The following GNA13 variants were observed in gnomAD, a reference collection of about 807,000 sequenced individuals.
The protein encoded by GNA13 is G protein subunit alpha 13, also known as guanine nucleotide-binding protein subunit alpha-13.
Under a neutral mutation model 33.5 loss-of-function variants are expected in GNA13, and 4 were observed. The observed-to-expected ratio is 0.12, with a 90% CI of 0.06 to 0.27. The LOEUF is 0.27. Among genes scored for constraint, GNA13 ranks in the 10% least tolerant of loss-of-function variants. GNA13 has a pLI of 1.00. For missense variants in GNA13, 319 were observed against 487.2 expected, an observed-to-expected ratio of 0.65 and a Z score of 3.25; for synonymous variants, 176 against 183.8, an observed-to-expected ratio of 0.96 and a Z score of 0.34.
At chr17:65,027,509 C>A (rs1906836833) in intron 2 of GNA13, among the ~76,000 whole-genome samples, 1 of 152,134 alleles carries the variant, frequency 6.6e-6, no homozygotes, top group Non-Finnish European at 1.5e-5. Context: ...GTTTTATCAG[C>A]ACCTCCTATG....
intron 2 of GNA13, among the ~76,000 whole-genome samples, chr17:65,044,052 G>C (rs1194905103): frequency 6.6e-6 from 1 of 152,166 alleles, no homozygotes; most frequent in African/African-American, 2.4e-5. Flanking sequence ...AGCTGGGGAG[G>C]TCAAGGCTAC....
At chr17:65,041,548 C>T (rs1907454187) in intron 2 of GNA13, among the ~76,000 whole-genome samples, 1 of 151,592 alleles carries the variant, frequency 6.6e-6, no homozygotes, top group Non-Finnish European at 1.5e-5. Flanking sequence ...ATTTTTTTAC[C>T]TTGGAAATGA....
At chr17:65,021,349 T>C (rs1906576904) in intron 2 of GNA13, among the ~76,000 whole-genome samples, 2 of 152,226 alleles carry the variant, frequency 1.3e-5, no homozygotes, top group African/African-American at 4.8e-5. Context: ...TGGGAATGGC[T>C]TCAATGTTGC....
At chr17:65,026,657 T>C (rs527554483) in intron 2 of GNA13, among the ~76,000 whole-genome samples, 1 of 152,340 alleles carries the variant, frequency 6.6e-6, no homozygotes, top group East Asian at 1.9e-4. Flanking sequence ...TCTAATATAG[T>C]ATGAACCCCC....
intron 2 of GNA13, among the ~76,000 whole-genome samples, chr17:65,025,703 G>A (rs1434714099): frequency 6.6e-6 from 1 of 151,770 alleles, no homozygotes; most frequent in Admixed American, 6.6e-5. Flanking sequence ...CCCTGGCCAG[G>A]TTCAGTGGCT....
At chr17:65,016,288 T>C (rs1906365032) in intron 3 of GNA13, among the ~76,000 whole-genome samples, 1 of 152,226 alleles carries the variant, frequency 6.6e-6, no homozygotes, top group South Asian at 2.1e-4. Flanking sequence ...TTCTGAATAG[T>C]GTCATATGAT....
rs1020629751 is a variant in GNA13 at position 65,014,745 on chromosome 17, C to T, written c.646G>A (p.Val216Ile). 1.2e-6 allele frequency: 2 copies of T among 1,613,578 alleles called. No homozygotes were observed. The highest frequency in any genetic ancestry group is 1.7e-6 in the Non-Finnish European group (2 of 1,179,508). ...CCTACATCAACCATTTTGAAAGGAA[C>T]ATTTTTTATTTCAAAGTCGTATTCA... The part of the protein sequence containing the change: ...IHEYDFEIKN[V>I]PFKMVDVGGQ... The change falls in exon 4 of 4, where the codon GTT becomes ATT. Residue 216 changes from valine (V) to isoleucine (I), a missense_variant. Transcript: ENST00000439174. This position sits in a 1 kb window ranked among gnomAD's most constrained non-coding sequence, Gnocchi z 5.3.
chr17:65,013,240 A>C lies in GNA13; in HGVS notation c.*1017T>G, dbSNP rs1906252739. The C allele has an allele frequency of 4.8e-6, 1 of 208,186 alleles. No individual in the cohort carries two copies. Among genetic ancestry groups the C allele is most frequent in the Non-Finnish European group, 9.8e-6 (1 of 102,098 alleles). 12.9% of individuals were successfully genotyped at this position (208,186 alleles called of 1,614,324 possible). A position where few individuals can be genotyped will look rare whatever the true frequency, so the allele number is the denominator to read the frequency against. On this transcript the variant is annotated 3_prime_UTR_variant, in exon 4 of 4. Transcript: ENST00000439174. ...GCCCTTAGCAAACTCCAAATAAACA[A>C]AACGATGCCACAAATGGCACAGTGT...
intron 3 of GNA13, among the ~76,000 whole-genome samples, chr17:65,017,680 AC>A (rs1906419294): frequency 6.6e-6 from 1 of 152,034 alleles, no homozygotes; most frequent in Non-Finnish European, 1.5e-5. Flanking sequence ...GACTCCCCCT[AC>A]CTCGTGGAGT....
intron 2 of GNA13, among the ~76,000 whole-genome samples, chr17:65,027,129 G>C (rs989460413): frequency 6.6e-6 from 1 of 152,122 alleles, no homozygotes; most frequent in African/African-American, 2.4e-5. Context: ...CAGAAGGAAA[G>C]AAACCATTTT....
rs1036439208 is a variant in GNA13, at chr17:65,013,032, T to TA, written c.*1224dup. Reference sequence around the variant, plus strand: ...AATGTAATCATCTTTAGGTGCGAACTAAAAAAATTACTACTGATCCTTAGA... The same window carrying TA: ...AATGTAATCATCTTTAGGTGCGAACTAAAAAAAATTACTACTGATCCTTAGA... On this transcript the variant is annotated 3_prime_UTR_variant, in exon 4 of 4. Transcript: ENST00000439174. 4.6e-6 allele frequency: 1 copy of TA among 216,064 alleles called. No individual in the cohort carries two copies. Among genetic ancestry groups the TA allele is most frequent in the Non-Finnish European group, 9.3e-6 (1 of 107,186 alleles). The allele number at this position is 216,064 out of a possible 1,614,324, so 13.4% of individuals were successfully genotyped here.
At position 65,012,269 on chromosome 17, in the gene GNA13, G is replaced by C. The variant is rs915377742; in HGVS notation, c.*1988C>G. On this transcript the variant is annotated 3_prime_UTR_variant, in exon 4 of 4. Coordinates refer to ENST00000439174, the MANE Select transcript of GNA13 (RefSeq NM_006572.6). ...AGGGATCTAACTTGAGCCCTCACTG[G>C]AGTCAAATGTTTTGGCCATTCAATT... 4.5e-6 allele frequency: 1 copy of C among 222,992 alleles called. No individual in the cohort carries two copies. Among genetic ancestry groups the C allele is most frequent in the African/African-American group, 2.2e-5 (1 of 44,816 alleles). 13.8% of individuals were successfully genotyped at this position (222,992 alleles called of 1,614,324 possible).
chr17:65,042,078 G>T (rs1907473262), intron 2 of GNA13, among the ~76,000 whole-genome samples: 1 of 152,108 alleles, frequency 6.6e-6, no homozygotes, highest in African/African-American at 2.4e-5. Flanking sequence ...TGAAGAACCA[G>T]CCAGCCGCGG....
rs1484381948 is a variant in GNA13, at chr17:65,056,560, A to G, written c.34T>C (p.Ser12Pro). The change falls in exon 1 of 4, where the codon TCC becomes CCC. Residue 12 changes from serine (S) to proline (P), a missense_variant. Transcript: ENST00000439174. ...ADFLPSRSVL[S>P]VCFPGCLLTS... is the part of the protein sequence containing the mutation. ...AGCAGGCAGCCGGGGAAGCACACGG[A>G]CAGCACGGACCGCGACGGCAGGAAG... 6.2e-7 allele frequency: 1 copy of G among 1,611,084 alleles called. No homozygotes were observed. Among genetic ancestry groups the G allele is most frequent in the East Asian group, 2.2e-5 (1 of 44,758 alleles).
chr17:65,020,011 T>C (rs1906525004), intron 2 of GNA13, among the ~76,000 whole-genome samples: 1 of 152,092 alleles, frequency 6.6e-6, no homozygotes, highest in African/African-American at 2.4e-5. Context: ...ACGGAAGACA[T>C]GGAAACAAAT....
At chr17:65,015,992 G>C (rs1906356074) in intron 3 of GNA13, among the ~76,000 whole-genome samples, 1 of 152,150 alleles carries the variant, frequency 6.6e-6, no homozygotes, top group Non-Finnish European at 1.5e-5. Flanking sequence ...GTTGTTGCAA[G>C]GATCAAATGA....
chr17:65,043,407 C>T (rs1345784094), intron 2 of GNA13, among the ~76,000 whole-genome samples: 1 of 151,928 alleles, frequency 6.6e-6, no homozygotes, highest in African/African-American at 2.4e-5. Flanking sequence ...TTGTTTCAGA[C>T]CCCCGAGTAG....
chr17:65,043,935 AAC>A (rs1907557438), intron 2 of GNA13, among the ~76,000 whole-genome samples: 1 of 152,158 alleles, frequency 6.6e-6, no homozygotes, highest in South Asian at 2.1e-4. Context: ...CACCCTGGTC[AAC>A]ACAGTGAGAC....
At chr17:65,031,760 A>G (rs1404682713) in intron 2 of GNA13, among the ~76,000 whole-genome samples, 1 of 151,960 alleles carries the variant, frequency 6.6e-6, no homozygotes, top group Non-Finnish European at 1.5e-5. Context: ...AAGAGACCTA[A>G]GAGTTGGGCA....
Sources: gnomAD v4.1 joint callset for allele counts (sites outside exome capture counted in the v4.1 genomes callset) on GRCh38, gnomAD v4.1.1 for gene constraint, Gnocchi (gnomAD v3.1) non-coding constraint, MANE v1.5 for transcripts, NCBI Gene and HGNC (gene_info 2026-07-23, HGNC 2026-07-21) for gene names.